PLCE1: variants seen among roughly 807,000 people sequenced by gnomAD.
PLCE1 encodes the protein phospholipase C epsilon 1, also known as 1-phosphatidylinositol 4,5-bisphosphate phosphodiesterase epsilon-1.
In PLCE1, 119 loss-of-function variants were observed where a neutral mutation model predicts 242.8. The ratio of observed to expected loss-of-function variants is 0.49; its 90% confidence interval spans 0.42 to 0.57. The LOEUF (loss-of-function observed/expected upper bound fraction) is 0.57. Among genes scored for constraint, PLCE1 ranks in the 20% least tolerant of loss-of-function variants. The pLI is 0.00. For synonymous variants in PLCE1, 945 were observed against 1,017.4 expected (o/e 0.93, Z 1.35); for missense variants, 2,441 against 2,788.8 (o/e 0.88, Z 2.81).
intron 1 of PLCE1, among the ~76,000 whole-genome samples, 83 bp downstream of exon 1, chr10:93,994,341 C>CTAAGGAGCA (rs2060777599): frequency 3.9e-5 from 6 of 152,226 alleles, no homozygotes; most frequent in Non-Finnish European, 8.8e-5. Flanking sequence ...GCAGTCGACC[C>CTAAGGAGCA]GCCTAAGGGA....
At chr10:94,128,300 G>A (rs11187791) in intron 2 of PLCE1, among the ~76,000 whole-genome samples, 6 of 152,086 alleles carry the variant, frequency 3.9e-5, no homozygotes, top group Non-Finnish European at 8.8e-5. Flanking sequence ...CCTTGATTTT[G>A]ACAGGTTCCC....
At chr10:94,067,960 C>A (rs1413921023) in intron 2 of PLCE1, among the ~76,000 whole-genome samples, 1 of 152,120 alleles carries the variant, frequency 6.6e-6, no homozygotes, top group Non-Finnish European at 1.5e-5. Flanking sequence ...GGTTTCTAAC[C>A]AGCACTCCTA....
chr10:94,107,378 TC>T (rs1319823468), intron 2 of PLCE1, among the ~76,000 whole-genome samples: 1 of 152,028 alleles, frequency 6.6e-6, no homozygotes, highest in Non-Finnish European at 1.5e-5. Context: ...TTGCATTTAA[TC>T]CCCCAGTGAG....
Position 94,031,385 on chromosome 10 carries a change from T to G in PLCE1, c.339T>G (p.His113Gln). Residue 113 changes from histidine (H) to glutamine (Q), a missense_variant, in exon 2 of 33, where the codon CAT becomes CAG. His to Gln is a conservative substitution (Grantham distance 24). Around this residue, in one of 5 missense-constraint regions of PLCE1, gnomAD observed 393 missense variants for 378.5 expected, o/e 1.04. Transcript: ENST00000371380. The stretch of plus-strand genomic sequence containing the variant: ...ACTGCAACAACATATTGAGAAACCA[T>G]CAGCATGGCCTTCCTCAGAGACAAT... ...NINCNNILRN[H>Q]QHGLPQRQFY... The G allele has an allele frequency of 6.2e-7, 1 of 1,613,908 alleles. No individual in the cohort carries two copies. The highest frequency in any genetic ancestry group is 1.1e-5 in the South Asian group (1 of 91,080).
intron 7 of PLCE1, among the ~76,000 whole-genome samples, chr10:94,243,062 A>G (rs565395521): frequency 2.0e-5 from 3 of 152,274 alleles, no homozygotes; most frequent in Admixed American, 2.0e-4. Context: ...CAAAGAGTAG[A>G]GTATGGAAAT....
intron 4 of PLCE1, among the ~76,000 whole-genome samples, chr10:94,214,241 G>A (rs1021710468): frequency 6.6e-6 from 1 of 152,152 alleles, no homozygotes; most frequent in Admixed American, 6.5e-5. Context: ...CTTGCCCAGG[G>A]CATCTGGGGA....
chr10:94,250,046 G>A (rs1383901222), intron 8 of PLCE1, among the ~76,000 whole-genome samples: 1 of 151,162 alleles, frequency 6.6e-6, no homozygotes, highest in Non-Finnish European at 1.5e-5. Context: ...TATTTTTTAA[G>A]GAATCTATTT....
intron 27 of PLCE1, among the ~76,000 whole-genome samples, chr10:94,311,572 T>C (rs954873223): frequency 2.0e-5 from 3 of 152,222 alleles, no homozygotes; most frequent in Admixed American, 6.5e-5. Flanking sequence ...TAACTGTAGA[T>C]CATCCTGGCC....
chr10:94,008,053 A>C (rs1052518181), intron 1 of PLCE1, among the ~76,000 whole-genome samples: 2 of 151,684 alleles, frequency 1.3e-5, no homozygotes, highest in Non-Finnish European at 2.9e-5. Flanking sequence ...TTATCTGGAC[A>C]TGGTGGCACA....
intron 27 of PLCE1, among the ~76,000 whole-genome samples, chr10:94,311,252 A>C (rs1458083589): frequency 6.6e-6 from 1 of 152,164 alleles, no homozygotes; most frequent in Non-Finnish European, 1.5e-5. Context: ...ACTGGTGATC[A>C]GTTCAGTCTT....
intron 3 of PLCE1, among the ~76,000 whole-genome samples, chr10:94,142,933 T>C (rs993502256): frequency 4.6e-5 from 7 of 152,244 alleles, no homozygotes; most frequent in Admixed American, 3.9e-4. Context: ...ACATCTACTA[T>C]GTGCCAAGGA....
intron 2 of PLCE1, among the ~76,000 whole-genome samples, chr10:94,092,067 G>A (rs150753441): frequency 9.2e-5 from 14 of 152,232 alleles, no homozygotes; most frequent in Admixed American, 4.6e-4. Context: ...TAAGATTAAC[G>A]GTCTGATGCA....
chr10:94,152,292 C>G (rs776551333), intron 3 of PLCE1, among the ~76,000 whole-genome samples: 4 of 152,204 alleles, frequency 2.6e-5, no homozygotes, highest in Non-Finnish European at 5.9e-5. Flanking sequence ...AAAACAGTTC[C>G]TATACGACCT....
chr10:94,066,126 T>G (rs2044190019), intron 2 of PLCE1, among the ~76,000 whole-genome samples: 1 of 152,026 alleles, frequency 6.6e-6, no homozygotes, highest in Non-Finnish European at 1.5e-5. Context: ...GACAGCAAAC[T>G]TTGGGGAGGT....
chr10:94,110,808 T>C (rs1241889986), intron 2 of PLCE1, among the ~76,000 whole-genome samples: 3 of 152,224 alleles, frequency 2.0e-5, no homozygotes, highest in Admixed American at 2.0e-4. Flanking sequence ...ATTTTCAGCT[T>C]GATTTGGTTT....
At chr10:94,264,338 A>ACC (rs1189891996) in intron 14 of PLCE1, among the ~76,000 whole-genome samples, 1 of 152,010 alleles carries the variant, frequency 6.6e-6, no homozygotes, top group Non-Finnish European at 1.5e-5. Flanking sequence ...GAACCACAAA[A>ACC]AGCTGGTGTA....
At chr10:94,109,388 A>C (rs2045872154) in intron 2 of PLCE1, among the ~76,000 whole-genome samples, 1 of 152,152 alleles carries the variant, frequency 6.6e-6, no homozygotes, top group Non-Finnish European at 1.5e-5. Flanking sequence ...AATGTGACCC[A>C]CTTGAGGTTA....
chr10:94,256,684 G>A (rs1342940988), intron 11 of PLCE1, among the ~76,000 whole-genome samples: 1 of 152,082 alleles, frequency 6.6e-6, no homozygotes, highest in African/African-American at 2.4e-5. Flanking sequence ...TTCATGAGCA[G>A]GAAAAGAAAG....
chr10:94,313,472 C>T (rs1259474104), intron 28 of PLCE1, 90 bp downstream of exon 28: 8 of 1,452,010 alleles, frequency 5.5e-6, no homozygotes, highest in Non-Finnish European at 7.7e-6. Flanking sequence ...TAAACATACA[C>T]AGATGCACAT....
Sources: allele counts gnomAD v4.1 joint callset (sites outside exome capture counted in the v4.1 genomes callset), GRCh38; gene constraint gnomAD v4.1.1; regional missense constraint gnomAD v4.1.1; transcripts MANE v1.5; gene names NCBI Gene and HGNC (gene_info 2026-07-23, HGNC 2026-07-21).